The following TADA2B variants were observed in gnomAD, a reference collection of about 807,000 sequenced individuals.
The protein encoded by TADA2B is transcriptional adapter 2-beta.
Under a neutral mutation model 34.5 loss-of-function variants are expected in TADA2B, and 13 were observed. The observed-to-expected ratio is 0.38, with a 90% CI of 0.25 to 0.60. TADA2B has a LOEUF of 0.60. Among genes scored for constraint, TADA2B ranks in the 20% least tolerant of loss-of-function variants. The pLI, the probability that TADA2B is intolerant of heterozygous loss-of-function variation, is 0.65. For synonymous variants in TADA2B, 240 were observed against 243.4 expected (o/e 0.99, Z 0.13); for missense variants, 442 against 575.0 (o/e 0.77, Z 2.37).
chr4:7,047,672 G>C (rs1386802331), intron 1 of TADA2B, among the ~76,000 whole-genome samples: 1 of 152,274 alleles, frequency 6.6e-6, no homozygotes, highest in Non-Finnish European at 1.5e-5. Flanking sequence ...TGGGCCTCAG[G>C]ATGTCCTGCG....
At position 7,043,714 on chromosome 4, in the gene TADA2B, C is replaced by T. The variant is rs754768741; in HGVS notation, c.135C>T (p.His45=). 1 of 1,588,602 alleles carries T rather than the reference C, an allele frequency of 6.3e-7. No homozygotes were observed. The highest frequency in any genetic ancestry group is 8.5e-7 in the Non-Finnish European group (1 of 1,172,956). The change falls in exon 1 of 2, where the codon CAC becomes CAT. Residue 45 remains histidine (H), a synonymous_variant. Coordinates refer to ENST00000310074, the MANE Select transcript of TADA2B (RefSeq NM_152293.3). ...CFSAGAEIGH[H]RRYHGYQLVD... ...CGGCCGGCGCCGAGATCGGCCACCA[C>T]CGCCGCTACCACGGCTACCAGCTGG...
intron 1 of TADA2B, 85 bp downstream of exon 1, chr4:7,043,934 G>A: frequency 7.3e-7 from 1 of 1,364,224 alleles, no homozygotes; most frequent in Non-Finnish European, 9.4e-7. Context: ...AGGCAGCGCT[G>A]GACCTGCTCG....
rs1209845859 is a variant in TADA2B, at chr4:7,056,642, A to G, written c.*1588A>G. The G allele has an allele frequency of 1.3e-5, 2 of 152,246 alleles. No homozygotes were observed. The highest frequency in any genetic ancestry group is 2.4e-5 in the African/African-American group (1 of 41,458). The allele number at this position is 152,246 out of a possible 1,614,324, so 9.4% of individuals were successfully genotyped here. On this transcript the variant is annotated 3_prime_UTR_variant, in exon 2 of 2. Coordinates refer to ENST00000310074, the MANE Select transcript of TADA2B (RefSeq NM_152293.3). ...AAATAAAACATTTCAAATATATTGT[A>G]TATGGCTTTAGTTGTAAACTATACT...
At chr4:7,046,467 A>T (rs1723633217) in intron 1 of TADA2B, among the ~76,000 whole-genome samples, 1 of 152,244 alleles carries the variant, frequency 6.6e-6, no homozygotes. Flanking sequence ...GCTGTAAGAA[A>T]CTAAGCGCCT....
At chr4:7,047,218 C>T (rs1365858525) in intron 1 of TADA2B, among the ~76,000 whole-genome samples, 1 of 152,168 alleles carries the variant, frequency 6.6e-6, no homozygotes, top group Non-Finnish European at 1.5e-5. Flanking sequence ...GGCAGAGGAG[C>T]CGGAGCTGTT....
chr4:7,049,236 A>G (rs1042294120), intron 1 of TADA2B, among the ~76,000 whole-genome samples: 13 of 151,914 alleles, frequency 8.6e-5, no homozygotes, highest in African/African-American at 2.9e-4. Context: ...GTACCACCAC[A>G]CCCGCCTAAT....
Position 7,056,259 on chromosome 4 carries a change from A to G in TADA2B, c.*1205A>G, listed in dbSNP as rs565526397. On this transcript the variant is annotated 3_prime_UTR_variant, in exon 2 of 2. Coordinates refer to ENST00000310074, the MANE Select transcript of TADA2B (RefSeq NM_152293.3). ...ATGGCTTCTTCCCAGCCCTGCCTAC[A>G]AGTTTTTCTCTGGGGTCCTCTTTCA... 3 of 152,286 alleles carry G rather than the reference A, an allele frequency of 2.0e-5. No individual in the cohort carries two copies. The East Asian group carries it at 5.8e-4, about 30-fold the overall frequency. The allele number at this position is 152,286 out of a possible 1,614,324, so 9.4% of individuals were successfully genotyped here.
At position 7,054,353 on chromosome 4, in the gene TADA2B, C is replaced by T; in HGVS notation, c.562C>T (p.Leu188Phe). The T allele has an allele frequency of 6.2e-7, 1 of 1,613,564 alleles. No individual in the cohort carries two copies. Among genetic ancestry groups the T allele is most frequent in the Non-Finnish European group, 8.5e-7 (1 of 1,179,906 alleles). ...DQDAETLISG[L>F]SVNYDDDDVE... ...GGATGCCGAGACGCTCATCAGCGGG[C>T]TCTCTGTCAACTATGATGACGACGA... is the stretch of plus-strand genomic sequence containing the variant. The change falls in exon 2 of 2, where the codon CTC (leucine) becomes TTC (phenylalanine). Residue 188 changes from leucine to phenylalanine, a missense_variant. By Grantham distance (22) the Leu-to-Phe change is conservative. This residue lies in a region of TADA2B where 222 missense variants were observed against 235.2 expected (regional missense o/e 0.94). Coordinates refer to ENST00000310074, the MANE Select transcript of TADA2B (RefSeq NM_152293.3).
rs994437949 is a variant in TADA2B, at chr4:7,049,166, C to A, written c.271-4896C>A. The stretch of plus-strand genomic sequence containing the variant: ...CAATCATGGCTCACTGCAGCCTCCA[C>A]CTCCTGGGCTCAAGCGATCCTCCTA... On this transcript the variant is annotated intron_variant, in intron 1 of 1. Transcript: ENST00000310074. Among the ~76,000 whole-genome samples the A allele has an allele frequency of 7.0e-4, 107 of 152,266 alleles. 1 individual carries two copies. Among genetic ancestry groups the A allele is most frequent in the African/African-American group, 2.3e-3 (96 of 41,554 alleles).
In TADA2B at chr4:7,055,289, G is replaced by A; in HGVS notation, c.*235G>A. ...AGTGAGTTCCTGCGAGTCATACACT[G>A]CGATGATGCTCCGCCTTTACCCGTT... On this transcript the variant is annotated 3_prime_UTR_variant, in exon 2 of 2. Coordinates refer to ENST00000310074, the MANE Select transcript of TADA2B (RefSeq NM_152293.3). 1 of 524,766 alleles carries A rather than the reference G, an allele frequency of 1.9e-6. No individual in the cohort carries two copies. The highest frequency in any genetic ancestry group is 1.9e-5 in the African/African-American group (1 of 52,440). 32.5% of individuals were successfully genotyped at this position (524,766 alleles called of 1,614,324 possible).
In TADA2B at chr4:7,057,418, G is replaced by T. The variant is rs979092413; in HGVS notation, c.*2364G>T. ...CGTCACGGTAGTCCTTACCTCTGTC[G>T]GCAGCTCAGAGCCTCCACATTTTTA... On this transcript the variant is annotated 3_prime_UTR_variant, in exon 2 of 2. Coordinates refer to ENST00000310074, the MANE Select transcript of TADA2B (RefSeq NM_152293.3). The T allele has an allele frequency of 3.3e-5, 5 of 152,184 alleles. No individual in the cohort carries two copies. Among genetic ancestry groups the T allele is most frequent in the Admixed American group, 3.3e-4 (5 of 15,280 alleles). The allele number at this position is 152,184 out of a possible 1,614,324, so 9.4% of individuals were successfully genotyped here.
At chr4:7,047,065 G>C (rs1472016431) in intron 1 of TADA2B, among the ~76,000 whole-genome samples, 1 of 152,182 alleles carries the variant, frequency 6.6e-6, no homozygotes, top group Non-Finnish European at 1.5e-5. Context: ...CCTAGAGTCA[G>C]ATTAGCGGGG....
rs1207326587 is a variant in TADA2B, at chr4:7,054,243, T to C, written c.452T>C (p.Leu151Pro). 4 of 1,610,072 alleles carry C rather than the reference T, an allele frequency of 2.5e-6. No homozygotes were observed. Among genetic ancestry groups the C allele is most frequent in the Admixed American group, 3.4e-5 (2 of 59,474 alleles). The stretch of plus-strand genomic sequence containing the variant: ...CTCTCACCCAGCCTCACCACCCCGC[T>C]GCCCCCGCTGGACATCTCTGTGGCT... ...GPLSPSLTTP[L>P]PPLDISVAEQ... is the part of the protein sequence containing the mutation. The change falls in exon 2 of 2, where the codon CTG (leucine) becomes CCG (proline). Residue 151 changes from leucine to proline, a missense_variant. This residue lies in a region of TADA2B where 222 missense variants were observed against 235.2 expected (regional missense o/e 0.94). Transcript: ENST00000310074.
Position 7,055,738 on chromosome 4 carries a change from C to G in TADA2B, c.*684C>G, listed in dbSNP as rs1356497965. ...CCAAACCCCAAAGCTGACCCTGCGC[C>G]CCATTTGAATACGGCCAGAGCCTGC... On this transcript the variant is annotated 3_prime_UTR_variant, in exon 2 of 2. Transcript: ENST00000310074. 2 of 152,280 alleles carry G rather than the reference C, an allele frequency of 1.3e-5. No individual in the cohort carries two copies. The highest frequency in any genetic ancestry group is 4.8e-5 in the African/African-American group (2 of 41,458). 9.4% of individuals were successfully genotyped at this position (152,280 alleles called of 1,614,324 possible).
At chr4:7,050,204 G>A (rs369386864) in intron 1 of TADA2B, among the ~76,000 whole-genome samples, 2 of 152,244 alleles carry the variant, frequency 1.3e-5, no homozygotes, top group South Asian at 2.1e-4. Flanking sequence ...TGGTTGGTGT[G>A]TTTCTTACCT....
rs745938917 is a variant in TADA2B at position 7,046,474 on chromosome 4, G to GCCTT, written c.270+2626_270+2629dup. On this transcript the variant is annotated intron_variant, in intron 1 of 1. Transcript: ENST00000310074. ...GAACAGCAGCTGTAAGAAACTAAGC[G>GCCTT]CCTTGTCAGGGATTCCATGGCATTC... 3.9e-5 allele frequency among the ~76,000 whole-genome samples: 6 copies of GCCTT among 152,346 alleles called. 1 individual carries two copies. In the Middle Eastern group the frequency reaches 0.02, roughly 518 times the overall value.
Position 7,056,713 on chromosome 4 carries a change from C to T in TADA2B, c.*1659C>T, listed in dbSNP as rs1031895728. ...TCTTTTAGCTAAGCCCAGAACTTCT[C>T]TTTTGACAATAAAGTACTGAGCAGT... is the stretch of plus-strand genomic sequence containing the variant. On this transcript the variant is annotated 3_prime_UTR_variant, in exon 2 of 2. Transcript: ENST00000310074. 2.6e-4 allele frequency: 39 copies of T among 152,274 alleles called. No homozygotes were observed. The highest frequency in any genetic ancestry group is 9.1e-4 in the African/African-American group (38 of 41,546). 9.4% of individuals were successfully genotyped at this position (152,274 alleles called of 1,614,324 possible).
intron 1 of TADA2B, among the ~76,000 whole-genome samples, chr4:7,050,348 C>T (rs1369883428): frequency 2.0e-5 from 3 of 152,236 alleles, no homozygotes; most frequent in East Asian, 3.9e-4. Flanking sequence ...GAGCTCTGCC[C>T]GCTGAATGCC....
rs1421281863 is a variant in TADA2B at position 7,050,533 on chromosome 4, C to T, written c.271-3529C>T. On this transcript the variant is annotated intron_variant, in intron 1 of 1. Transcript: ENST00000310074. ...CAGCTTGTGGCCGGGATGAGCTGTC[C>T]TCTGCCTCGTCCTTCACAGACCAGA... Among the ~76,000 whole-genome samples, 3 of 152,374 alleles carry T rather than the reference C, an allele frequency of 2.0e-5. No homozygotes were observed. In the East Asian group the frequency reaches 5.8e-4, roughly 29 times the overall value.
Sources: gnomAD v4.1 joint callset for allele counts (sites outside exome capture counted in the v4.1 genomes callset) on GRCh38, gnomAD v4.1.1 for gene constraint, gnomAD v4.1.1 regional missense constraint, MANE v1.5 for transcripts, NCBI Gene and HGNC (gene_info 2026-07-23, HGNC 2026-07-21) for gene names.